MTFMT: variants seen among roughly 807,000 people sequenced by gnomAD.
MTFMT encodes methionyl-tRNA formyltransferase, mitochondrial.
In MTFMT, 47 loss-of-function variants were observed where a neutral mutation model predicts 51.8. The ratio of observed to expected loss-of-function variants is 0.91; its 90% CI spans 0.72 to 1.16. The LOEUF (loss-of-function observed/expected upper bound fraction) is 1.16. Ranked by LOEUF, MTFMT falls within the 50% of genes most tolerant of loss-of-function variation. MTFMT has a pLI of 0.00. For synonymous variants in MTFMT, 196 were observed against 176.7 expected (o/e 1.11, Z -0.87); for missense variants, 512 against 482.3 (o/e 1.06, Z -0.58).
rs777996180 is a variant in MTFMT at position 65,006,235 on chromosome 15, A to T, written c.814-44T>A. The T allele has an allele frequency of 1.7e-5, 25 of 1,472,258 alleles. No individual in the cohort carries two copies. The Admixed American group carries it at 3.8e-4, about 22-fold the overall frequency. The allele number at this position is 1,472,258 out of a possible 1,614,324, so 91.2% of individuals were successfully genotyped here. A position where few individuals can be genotyped will look rare whatever the true frequency, so the allele number is the denominator to read the frequency against. ...AAGGTATGATAAAGGAATACACTCA[A>T]CTCCCAAACCCTTTTCAACTACTAT... is the stretch of plus-strand genomic sequence containing the variant. On this transcript the variant is annotated intron_variant, in intron 6 of 8. Transcript: ENST00000220058.
intron 6 of MTFMT, 151 bp downstream of exon 6, chr15:65,016,285 A>C: frequency 1.9e-6 from 1 of 532,782 alleles, no homozygotes. Context: ...TTTAAGAATA[A>C]ATTTCAGGTT....
chr15:65,009,509 A>G (rs983562103), intron 6 of MTFMT, among the ~76,000 whole-genome samples: 3 of 152,068 alleles, frequency 2.0e-5, no homozygotes, highest in African/African-American at 7.2e-5. Flanking sequence ...TCTATCTCTA[A>G]TTTCCCAGAT....
intron 7 of MTFMT, among the ~76,000 whole-genome samples, 177 bp downstream of exon 7, chr15:65,005,936 A>C (rs972455066): frequency 5.9e-5 from 9 of 152,232 alleles, no homozygotes; most frequent in Non-Finnish European, 8.8e-5. Context: ...ATGAGAAAAT[A>C]TATGAGAATG....
rs375452578 is a variant in MTFMT at position 65,003,583 on chromosome 15, G to A, written c.976-327C>T. 3.3e-5 allele frequency among the ~76,000 whole-genome samples: 5 copies of A among 152,130 alleles called. No individual in the cohort carries two copies. In the East Asian group the frequency reaches 5.8e-4, roughly 18 times the overall value. On this transcript the variant is annotated intron_variant, in intron 8 of 8. Transcript: ENST00000220058. Reference sequence around the variant, plus strand: ...CATGAAATACACATATAGGCCAGGCGTGGTGGCTCACGCCTGTAATCCCAG... The same window carrying A: ...CATGAAATACACATATAGGCCAGGCATGGTGGCTCACGCCTGTAATCCCAG...
chr15:65,015,145 T>C (rs573432389), intron 6 of MTFMT, among the ~76,000 whole-genome samples: 17 of 152,230 alleles, frequency 1.1e-4, no homozygotes, highest in African/African-American at 4.1e-4. Flanking sequence ...GCCCTGATAT[T>C]CCAAGGAACA....
At chr15:65,020,969 T>C (rs2086369335) in intron 4 of MTFMT, among the ~76,000 whole-genome samples, 1 of 152,212 alleles carries the variant, frequency 6.6e-6, no homozygotes, top group Non-Finnish European at 1.5e-5. Context: ...TATTCCTCTG[T>C]ATAAAATTAA....
chr15:65,024,347 T>C (rs371506917), intron 2 of MTFMT, among the ~76,000 whole-genome samples: 1 of 152,126 alleles, frequency 6.6e-6, no homozygotes, highest in African/African-American at 2.4e-5. Flanking sequence ...CAGCCCATGA[T>C]GTCTGGGAGT....
At chr15:65,013,742 G>C (rs1300132012) in intron 6 of MTFMT, among the ~76,000 whole-genome samples, 1 of 151,798 alleles carries the variant, frequency 6.6e-6, no homozygotes, top group Non-Finnish European at 1.5e-5. Flanking sequence ...TCAGGAGTTT[G>C]AGATCAGCCT....
intron 5 of MTFMT, among the ~76,000 whole-genome samples, chr15:65,019,134 A>G (rs8029145): frequency 0.041 from 6,296 of 152,290 alleles, 326 homozygotes; most frequent in African/African-American, 0.11. Flanking sequence ...TAATTACCCC[A>G]CAGATTACCT....
chr15:65,027,170 T>C (rs1595893781), intron 1 of MTFMT, 130 bp from the exon 2 acceptor site: 1 of 673,568 alleles, frequency 1.5e-6, no homozygotes, highest in East Asian at 2.7e-5. Context: ...TTAAAACTAG[T>C]GTGAGAGACT....
intron 5 of MTFMT, among the ~76,000 whole-genome samples, chr15:65,018,700 G>C (rs913632047): frequency 2.0e-5 from 3 of 152,200 alleles, no homozygotes; most frequent in African/African-American, 7.2e-5. Flanking sequence ...CTCCAAACTA[G>C]TGGGAAGTGA....
At chr15:65,014,573 G>A (rs1161534781) in intron 6 of MTFMT, among the ~76,000 whole-genome samples, 1 of 151,064 alleles carries the variant, frequency 6.6e-6, no homozygotes, top group Non-Finnish European at 1.5e-5. Flanking sequence ...TGATCCGCCC[G>A]CCTCGGCCTC....
At chr15:65,028,487 T>C (rs1268539567) in intron 1 of MTFMT, among the ~76,000 whole-genome samples, 1 of 151,994 alleles carries the variant, frequency 6.6e-6, no homozygotes, top group Non-Finnish European at 1.5e-5. Context: ...CAGCAGCCCA[T>C]GAAGGGTGTG....
chr15:65,007,054 G>C (rs972406329), intron 6 of MTFMT, among the ~76,000 whole-genome samples: 1 of 152,158 alleles, frequency 6.6e-6, no homozygotes, highest in Non-Finnish European at 1.5e-5. Flanking sequence ...CAGACTAAGG[G>C]CCCGCATGAG....
chr15:65,027,228 C>G (rs1184023323), intron 1 of MTFMT, among the ~76,000 whole-genome samples, 188 bp from the exon 2 acceptor site: 12 of 149,146 alleles, frequency 8.0e-5, no homozygotes, highest in Non-Finnish European at 1.5e-4. Context: ...GCTGGAGTCT[C>G]ACTCTGTCAC....
chr15:65,008,988 AT>A (rs1019694730), intron 6 of MTFMT, among the ~76,000 whole-genome samples: 2 of 152,196 alleles, frequency 1.3e-5, no homozygotes, highest in African/African-American at 4.8e-5. Context: ...GAATATAATC[AT>A]TTTGGTGTCT....
chr15:65,024,340 C>T (rs960447760), intron 2 of MTFMT, among the ~76,000 whole-genome samples: 7 of 151,994 alleles, frequency 4.6e-5, no homozygotes, highest in African/African-American at 1.7e-4. Context: ...TCTACAACAG[C>T]CCATGATGTC....
intron 2 of MTFMT, chr15:65,026,338 T>G (rs1421950486): frequency 4.9e-6 from 1 of 205,118 alleles, no homozygotes; most frequent in Non-Finnish European, 1.1e-5. Flanking sequence ...CAAACACAGC[T>G]TACAAAAGTT....
chr15:65,019,185 A>T (rs909802405), intron 5 of MTFMT, among the ~76,000 whole-genome samples: 2 of 152,236 alleles, frequency 1.3e-5, no homozygotes, highest in African/African-American at 4.8e-5. Flanking sequence ...CACTGGAAAG[A>T]TCTGGTGGTC....
Sources: gnomAD v4.1 joint callset for allele counts (sites outside exome capture counted in the v4.1 genomes callset) on GRCh38, gnomAD v4.1.1 for gene constraint, MANE v1.5 for transcripts, NCBI Gene and HGNC (gene_info 2026-07-23, HGNC 2026-07-21) for gene names.